TMEM212: variants seen among roughly 807,000 people sequenced by gnomAD.
The protein encoded by TMEM212 is transmembrane protein 212.
TMEM212 carries 23 observed loss-of-function variants against 20.5 expected under a neutral mutation model. That is an observed-to-expected ratio of 1.12 (90% confidence interval 0.81 to 1.59). The LOEUF (loss-of-function observed/expected upper bound fraction) is 1.59. Among genes scored for constraint, TMEM212 ranks in the 40% most tolerant of loss-of-function variants. The pLI is 0.00. For missense variants in TMEM212, 211 were observed against 215.0 expected (o/e 0.98, Z 0.12); for synonymous variants, 76 against 81.6 (o/e 0.93, Z 0.37).
Position 171,858,046 on chromosome 3 carries a change from T to G in TMEM212, c.*4-15T>G, listed in dbSNP as rs928414863. ...ATCCCATCAAGCTACCAATGACCAATGACTTTCTTCACAGAATTGGAAAAA... is the reference window on the plus strand; with the variant it reads ...ATCCCATCAAGCTACCAATGACCAAGGACTTTCTTCACAGAATTGGAAAAA... On this transcript the variant is annotated splice_polypyrimidine_tract_variant and intron_variant, in intron 4 of 4. Coordinates refer to ENST00000334567, the MANE Select transcript of TMEM212 (RefSeq NM_001164436.2). The G allele has an allele frequency of 6.6e-6, 1 of 152,082 alleles. No individual in the cohort carries two copies. Among genetic ancestry groups the G allele is most frequent in the African/African-American group, 2.4e-5 (1 of 41,352 alleles). The allele number at this position is 152,082 out of a possible 1,614,324, so 9.4% of individuals were successfully genotyped here. A position where few individuals can be genotyped will look rare whatever the true frequency, so the allele number is the denominator to read the frequency against.
intron 1 of TMEM212, among the ~76,000 whole-genome samples, chr3:171,843,919 A>C (rs1724773678): frequency 6.6e-6 from 1 of 152,246 alleles, no homozygotes. Context: ...TACAGAACAA[A>C]GTAAAATAAT....
intron 1 of TMEM212, among the ~76,000 whole-genome samples, chr3:171,846,682 G>A (rs930705300): frequency 1.3e-5 from 2 of 152,138 alleles, no homozygotes; most frequent in Non-Finnish European, 2.9e-5. Context: ...TTATACTAGT[G>A]CAGGAAAAAA....
intron 1 of TMEM212, among the ~76,000 whole-genome samples, chr3:171,845,542 AAGATTAC>A (rs1724811313): frequency 6.6e-6 from 1 of 152,224 alleles, no homozygotes; most frequent in South Asian, 2.1e-4. Flanking sequence ...GATTTTGATT[AAGATTAC>A]AGATGATTGA....
chr3:171,853,687 C>T lies in TMEM212; in HGVS notation c.380C>T (p.Pro127Leu), dbSNP rs775652971. 3.3e-6 allele frequency: 5 copies of T among 1,537,496 alleles called. No homozygotes were observed. The South Asian group carries it at 5.9e-5, about 18-fold the overall frequency. The change falls in exon 3 of 5, where the codon CCA (proline) becomes CTA (leucine). Residue 127 changes from proline to leucine, a missense_variant. Physicochemically the swap from Pro to Leu is moderately conservative, Grantham distance 98. Transcript: ENST00000334567. ...GGCTATGCAGTTACCTTTCCTTATC[C>T]ATATGCAAAATTCCCATTAGCCTGT... The part of the protein sequence containing the change: ...YLGYAVTFPY[P>L]YAKFPLACVD...
At chr3:171,850,796 G>C (rs567813395) in intron 1 of TMEM212, among the ~76,000 whole-genome samples, 1 of 152,266 alleles carries the variant, frequency 6.6e-6, no homozygotes, top group East Asian at 1.9e-4. Context: ...GCGATGCCAA[G>C]TCTGGAATTG....
In TMEM212 at chr3:171,844,592, G is replaced by A. The variant is rs1321436331; in HGVS notation, c.159+1050G>A. ...GTGGTGGCATGCACCTGTAATCCCA[G>A]CTACTCAGGAGACTGAGGCAGGAGA... is the stretch of plus-strand genomic sequence containing the variant. On this transcript the variant is annotated intron_variant, in intron 1 of 4. Coordinates refer to ENST00000334567, the MANE Select transcript of TMEM212 (RefSeq NM_001164436.2). 3.3e-5 allele frequency among the ~76,000 whole-genome samples: 5 copies of A among 152,218 alleles called. No homozygotes were observed. The South Asian group carries it at 1.0e-3, about 32-fold the overall frequency.
intron 1 of TMEM212, among the ~76,000 whole-genome samples, chr3:171,846,599 G>A (rs1222163044): frequency 6.6e-6 from 1 of 152,180 alleles, no homozygotes. Context: ...CCTCCGTTCT[G>A]TTGGTACAGA....
intron 1 of TMEM212, among the ~76,000 whole-genome samples, chr3:171,844,999 G>A (rs1010812013): frequency 1.3e-5 from 2 of 151,972 alleles, no homozygotes; most frequent in Non-Finnish European, 2.9e-5. Flanking sequence ...GAAACCACAG[G>A]GTTATCTTTC....
chr3:171,849,202 T>C (rs190376681), intron 1 of TMEM212, among the ~76,000 whole-genome samples: 135 of 152,214 alleles, frequency 8.9e-4, no homozygotes, highest in Admixed American at 8.1e-3. Context: ...CACCTCCCAT[T>C]GAAATCACAT....
intron 2 of TMEM212, 40 bp downstream of exon 2, chr3:171,852,081 T>G (rs1194905566): frequency 8.2e-6 from 12 of 1,457,434 alleles, no homozygotes; most frequent in Admixed American, 2.0e-5. Context: ...AGAGAGGCTT[T>G]GAAGGTCAAA....
At chr3:171,843,925 A>G (rs1179427573) in intron 1 of TMEM212, among the ~76,000 whole-genome samples, 2 of 152,256 alleles carry the variant, frequency 1.3e-5, no homozygotes, top group African/African-American at 2.4e-5. Context: ...ACAAAGTAAA[A>G]TAATTTTCAA....
At chr3:171,851,884 C>G in intron 1 of TMEM212, 98 bp from the exon 2 acceptor site, 1 of 1,090,394 alleles carries the variant, frequency 9.2e-7, no homozygotes, top group South Asian at 1.4e-5. Context: ...TCTGTTCCTT[C>G]AAGTTCATGA....
chr3:171,844,256 G>A (rs116730147), intron 1 of TMEM212, among the ~76,000 whole-genome samples: 2,200 of 152,218 alleles, frequency 0.014, 27 homozygotes, highest in Non-Finnish European at 0.021. Context: ...CTAGTCTTGG[G>A]AGTAACTGGC....
intron 1 of TMEM212, among the ~76,000 whole-genome samples, chr3:171,849,261 A>G (rs548049761): frequency 6.6e-6 from 1 of 152,270 alleles, no homozygotes; most frequent in East Asian, 1.9e-4. Flanking sequence ...TGCCTTTATC[A>G]TCGATGTTTC....
chr3:171,845,681 T>C (rs1724814397), intron 1 of TMEM212, among the ~76,000 whole-genome samples: 1 of 152,112 alleles, frequency 6.6e-6, no homozygotes, highest in Admixed American at 6.5e-5. Flanking sequence ...CATCAGGAAA[T>C]GGAGTCAGAG....
rs527560853 is a variant in TMEM212 at position 171,843,883 on chromosome 3, A to G, written c.159+341A>G. On this transcript the variant is annotated intron_variant, in intron 1 of 4. Transcript: ENST00000334567. ...GTGAATTTTGAATTTAGAAAAAAAC[A>G]TAAACCTTGAAAAGTAATTTTAAAA... Among the ~76,000 whole-genome samples, 17 of 152,360 alleles carry G rather than the reference A, an allele frequency of 1.1e-4. No individual in the cohort carries two copies. The East Asian group carries it at 3.3e-3, about 29-fold the overall frequency.
rs1040670767 is a variant in TMEM212, at chr3:171,853,763, C to T, written c.456C>T (p.Asp152=). The T allele has an allele frequency of 2.0e-6, 3 of 1,537,240 alleles. No individual in the cohort carries two copies. In the African/African-American group the frequency reaches 4.1e-5, roughly 21 times the overall value. The change falls in exon 3 of 5, where the codon GAC becomes GAT. Residue 152 remains aspartate, a synonymous_variant. Transcript: ENST00000334567. ...EEYHLTLQAL[D]LCLSFTLLCT... ...ACCACCTGACACTTCAAGCCCTAGA[C>T]CTGTGCCTAAGCTTTACCCTACTCT...
chr3:171,848,609 G>GAATAGAATAGAATAGAATAGAAT lies in TMEM212; in HGVS notation c.160-3371_160-3370insTAGAATAGAATAGAATAGAATAA, dbSNP rs199987799. On this transcript the variant is annotated intron_variant, in intron 1 of 4. Coordinates refer to ENST00000334567, the MANE Select transcript of TMEM212 (RefSeq NM_001164436.2). ...GAATAGAATAGAATAGAATAGAATAGAACAGAGGAGAACAGAGTAGAGTGG... is the reference window on the plus strand; with the variant it reads ...GAATAGAATAGAATAGAATAGAATAGAATAGAATAGAATAGAATAGAATAACAGAGGAGAACAGAGTAGAGTGG... Among the ~76,000 whole-genome samples the GAATAGAATAGAATAGAATAGAAT allele has an allele frequency of 1.5e-3, 226 of 152,244 alleles. 1 individual carries two copies. Among genetic ancestry groups the GAATAGAATAGAATAGAATAGAAT allele is most frequent in the African/African-American group, 5.2e-3 (215 of 41,528 alleles).
intron 1 of TMEM212, among the ~76,000 whole-genome samples, chr3:171,847,546 A>G (rs1271765059): frequency 6.6e-6 from 1 of 152,236 alleles, no homozygotes; most frequent in Non-Finnish European, 1.5e-5. Context: ...AAGCAATAAA[A>G]GCAAATTTTA....
Sources: gnomAD v4.1 joint callset for allele counts (sites outside exome capture counted in the v4.1 genomes callset) on GRCh38, gnomAD v4.1.1 for gene constraint, MANE v1.5 for transcripts, NCBI Gene and HGNC (gene_info 2026-07-23, HGNC 2026-07-21) for gene names.